BAG6: variants seen among roughly 807,000 people sequenced by gnomAD.
BAG6 encodes BAG cochaperone 6, also known as large proline-rich protein BAG6.
A neutral mutation model predicts 121.0 loss-of-function variants in BAG6; 22 were observed. The ratio of observed to expected loss-of-function variants is 0.18; its 90% CI spans 0.13 to 0.26. The LOEUF (loss-of-function observed/expected upper bound fraction) is 0.26. Among genes scored for constraint, BAG6 ranks in the 10% least tolerant of loss-of-function variants. The pLI, the probability that BAG6 is intolerant of heterozygous loss-of-function variation, is 1.00. For synonymous variants in BAG6, 583 were observed against 584.6 expected, an observed-to-expected ratio of 1.00 and a Z score of 0.04; for missense variants, 1,233 against 1,537.7, an observed-to-expected ratio of 0.80 and a Z score of 3.31.
At chr6:31,648,267 T>A (rs995360715) in intron 6 of BAG6, among the ~76,000 whole-genome samples, 11 of 152,060 alleles carry the variant, frequency 7.2e-5, no homozygotes, top group Non-Finnish European at 1.5e-4. Context: ...CCCCCTGCCA[T>A]GGCGACCCAA....
chr6:31,649,234 T>C lies in BAG6; in HGVS notation c.388A>G (p.Asn130Asp). The change falls in exon 4 of 26, where the codon AAC (asparagine) becomes GAC (aspartate). Residue 130 changes from asparagine (N) to aspartate (D), a missense_variant. Around this residue, in one of 7 missense-constraint regions of BAG6, gnomAD observed 777 missense variants for 861.4 expected, o/e 0.90. Transcript: ENST00000676615. ...AAGGTTCCAACCATGACATAGCTGT[T>C]GGCATTCCGGTCATGAACAGAGGCC... is the stretch of plus-strand genomic sequence containing the variant. Reference protein sequence around the residue: ...PGASVHDRNANSYVMVGTFNL... With the variant: ...PGASVHDRNADSYVMVGTFNL... 1.2e-6 allele frequency: 2 copies of C among 1,613,020 alleles called. No individual in the cohort carries two copies. The highest frequency in any genetic ancestry group is 1.7e-6 in the Non-Finnish European group (2 of 1,180,012).
At chr6:31,639,771 T>C in intron 24 of BAG6, 125 bp from the exon 25 acceptor site, 1 of 1,201,306 alleles carries the variant, frequency 8.3e-7, no homozygotes, top group Non-Finnish European at 1.1e-6. Context: ...GAGGGGAAAT[T>C]AAGAGTCCAG....
rs1017451304 is a variant in BAG6, at chr6:31,649,692, A to G, written c.109-65T>C. On this transcript the variant is annotated intron_variant, in intron 2 of 25. Transcript: ENST00000676615. The stretch of plus-strand genomic sequence containing the variant: ...GGAAAGAGGAAGAACAAAGACAGAC[A>G]ACCGAGTTGTGGAGGTGAGGGGTAA... 7 of 1,457,228 alleles carry G rather than the reference A, an allele frequency of 4.8e-6. No individual in the cohort carries two copies. The African/African-American group carries it at 9.8e-5, about 20-fold the overall frequency. 90.3% of individuals were successfully genotyped at this position (1,457,228 alleles called of 1,614,324 possible). A position where few individuals can be genotyped will look rare whatever the true frequency, so the allele number is the denominator to read the frequency against.
rs1279956913 is a variant in BAG6, at chr6:31,643,100, C to T, written c.1772G>A (p.Gly591Asp). Residue 591 changes from glycine (G) to aspartate (D), a missense_variant, in exon 15 of 26, where the codon GGT (glycine) becomes GAT (aspartate). By Grantham distance (94) the Gly-to-Asp change is moderately conservative. Coordinates refer to ENST00000676615, the MANE Select transcript of BAG6 (RefSeq NM_001387994.1). ...QPVLVAQGTP[G>D]MAPPPAPATA... The stretch of plus-strand genomic sequence containing the variant: ...GGCAGGGGCTGGCGGTGGAGCCATA[C>T]CTGGGGTCCCCTGAGCTGTAAGAAA... The T allele has an allele frequency of 7.6e-6, 12 of 1,573,944 alleles. No individual in the cohort carries two copies. The highest frequency in any genetic ancestry group is 1.0e-5 in the Non-Finnish European group (12 of 1,165,552).
chr6:31,645,495 C>T lies in BAG6; in HGVS notation c.1028G>A (p.Cys343Tyr). 5.0e-6 allele frequency: 8 copies of T among 1,613,102 alleles called. No individual in the cohort carries two copies. Among genetic ancestry groups the T allele is most frequent in the Non-Finnish European group, 6.8e-6 (8 of 1,180,022 alleles). Reference sequence around the variant, plus strand: ...CACATGCAGGTGTCGTGGGGGCGTGCAGGCCAGATTGCAGCGCAGGTCAGA... The same window carrying T: ...CACATGCAGGTGTCGTGGGGGCGTGTAGGCCAGATTGCAGCGCAGGTCAGA... ...ALSDLRCNLA[C>Y]TPPRHLHVVR... Residue 343 changes from cysteine (C) to tyrosine (Y), a missense_variant, in exon 9 of 26, where the codon TGC (cysteine) becomes TAC (tyrosine). This residue lies in a region of BAG6 where 777 missense variants were observed against 861.4 expected (regional missense o/e 0.90). Coordinates refer to ENST00000676615, the MANE Select transcript of BAG6 (RefSeq NM_001387994.1).
chr6:31,646,233 A>C (rs1431388630), intron 8 of BAG6, among the ~76,000 whole-genome samples, 161 bp downstream of exon 8: 1 of 152,090 alleles, frequency 6.6e-6, no homozygotes, highest in African/African-American at 2.4e-5. Context: ...TGATCCGCCC[A>C]CCTTGGCCTC....
At position 31,640,890 on chromosome 6, in the gene BAG6, T is replaced by C. The variant is rs1387713872; in HGVS notation, c.2836A>G (p.Thr946Ala). The C allele has an allele frequency of 1.2e-6, 2 of 1,612,706 alleles. No homozygotes were observed. Among genetic ancestry groups the C allele is most frequent in the South Asian group, 1.1e-5 (1 of 91,076 alleles). The change falls in exon 21 of 26, where the codon ACT (threonine) becomes GCT (alanine). Residue 946 changes from threonine to alanine, a missense_variant. Thr to Ala is a moderately conservative substitution (Grantham distance 58). Coordinates refer to ENST00000676615, the MANE Select transcript of BAG6 (RefSeq NM_001387994.1). This position sits in a 1 kb window ranked among gnomAD's most constrained non-coding sequence, Gnocchi z 4.2. Reference protein sequence around the residue: ...VNPSLVSWLTTMMGLRLQVVL... With the variant: ...VNPSLVSWLTAMMGLRLQVVL... ...ACCTGAAGCCTCAGTCCCATCATAGTGGTCAGCCAGCTCACCAAGGAGGGA... is the reference window on the plus strand; with the variant it reads ...ACCTGAAGCCTCAGTCCCATCATAGCGGTCAGCCAGCTCACCAAGGAGGGA...
chr6:31,647,682 C>A lies in BAG6; in HGVS notation c.697G>T (p.Val233Leu). 6.2e-7 allele frequency: 1 copy of A among 1,604,640 alleles called. No homozygotes were observed. Among genetic ancestry groups the A allele is most frequent in the Non-Finnish European group, 8.5e-7 (1 of 1,176,890 alleles). The change falls in exon 7 of 26, where the codon GTG becomes TTG. Residue 233 changes from valine to leucine, a missense_variant. Physicochemically the swap from Val to Leu is conservative, Grantham distance 32. Transcript: ENST00000676615. ...TTCTGGGCTGGGGCACGCTCCTCCA[C>A]TTCTTCTGCCTCCATGGGCTCCCGG... The part of the protein sequence containing the change: ...PPREPMEAEE[V>L]EERAPAQNPE...
Position 31,644,917 on chromosome 6 carries a change from C to T in BAG6, c.1369+29G>A. 1 of 1,551,130 alleles carries T rather than the reference C, an allele frequency of 6.4e-7. No homozygotes were observed. Among genetic ancestry groups the T allele is most frequent in the Non-Finnish European group, 8.7e-7 (1 of 1,147,152 alleles). On this transcript the variant is annotated intron_variant, in intron 10 of 25. Transcript: ENST00000676615. The surrounding 1 kb of genome is among the most constrained non-coding windows in gnomAD (Gnocchi z 4.9). ...ATGAACCTCCCTCATCATGCTGATCCTGCTCTTCTCGCCAGCAACTATTCT... is the reference window on the plus strand; with the variant it reads ...ATGAACCTCCCTCATCATGCTGATCTTGCTCTTCTCGCCAGCAACTATTCT...
Position 31,640,139 on chromosome 6 carries a change from T to C in BAG6, c.3246+60A>G, listed in dbSNP as rs1781163472. The C allele has an allele frequency of 6.5e-7, 1 of 1,530,452 alleles. No individual in the cohort carries two copies. The highest frequency in any genetic ancestry group is 9.0e-7 in the Non-Finnish European group (1 of 1,106,478). 94.8% of individuals were successfully genotyped at this position (1,530,452 alleles called of 1,614,324 possible). On this transcript the variant is annotated intron_variant, in intron 24 of 25. Transcript: ENST00000676615. This position sits in a 1 kb window ranked among gnomAD's most constrained non-coding sequence, Gnocchi z 4.2. ...CTCCCACCATCTCTACATAGTTTGA[T>C]TCCAGGCATGACGGGGAAACCTGGA...
intron 9 of BAG6, 42 bp from the exon 10 acceptor site, chr6:31,645,240 A>G: frequency 6.2e-7 from 1 of 1,600,400 alleles, no homozygotes; most frequent in Non-Finnish European, 8.5e-7. Context: ...GAAAAATACA[A>G]GAGCCTAACC....
At position 31,644,574 on chromosome 6, in the gene BAG6, C is replaced by T. The variant is rs149182440; in HGVS notation, c.1398G>A (p.Pro466=). 46 of 1,612,586 alleles carry T rather than the reference C, an allele frequency of 2.9e-5. No individual in the cohort carries two copies. In the African/African-American group the frequency reaches 4.5e-4, roughly 16 times the overall value. Residue 466 remains proline, a synonymous_variant, in exon 11 of 26, where the codon CCG becomes CCA. Transcript: ENST00000676615. This position sits in a 1 kb window ranked among gnomAD's most constrained non-coding sequence, Gnocchi z 4.9. ...GTCCCAGGGGGCCAGTGGGAGCACT[C>T]GGAACACCACCAGGCTGTGTGCCAG... is the stretch of plus-strand genomic sequence containing the variant. The part of the protein sequence containing the change: ...QDSGTQPGGV[P]SAPTGPLGPP...
chr6:31,642,840 C>T lies in BAG6; in HGVS notation c.2032G>A (p.Asp678Asn). The change falls in exon 15 of 26, where the codon GAC becomes AAC. Residue 678 changes from aspartate (D) to asparagine (N), a missense_variant. Transcript: ENST00000676615. ...AGCCAGCCACTCACCTGCAAGAAGT[C>T]AGTCATGCCTTGGAGAAAGGCAGGG... ...GVPAFLQGMT[D>N]FLQATQTAPP... 6.2e-7 allele frequency: 1 copy of T among 1,612,184 alleles called. No homozygotes were observed. The highest frequency in any genetic ancestry group is 8.5e-7 in the Non-Finnish European group (1 of 1,179,266).
At chr6:31,642,694 TG>T (rs1286325386) in intron 15 of BAG6, 134 bp downstream of exon 15, 2 of 1,060,846 alleles carry the variant, frequency 1.9e-6, no homozygotes, top group Non-Finnish European at 2.7e-6. Context: ...TCAGAGTCAA[TG>T]AATTCCCAGG....
Position 31,644,659 on chromosome 6 carries a change from T to C in BAG6, c.1370-57A>G, listed in dbSNP as rs750554810. 5 of 1,537,532 alleles carry C rather than the reference T, an allele frequency of 3.3e-6. No homozygotes were observed. The highest frequency in any genetic ancestry group is 1.7e-5 in the Admixed American group (1 of 57,182). Reference sequence around the variant, plus strand: ...GGTAGGTAGGGCCAAGGCCTAACTATATCCTTCTGAGATCAGGCATACTTC... The same window carrying C: ...GGTAGGTAGGGCCAAGGCCTAACTACATCCTTCTGAGATCAGGCATACTTC... On this transcript the variant is annotated intron_variant, in intron 10 of 25. Coordinates refer to ENST00000676615, the MANE Select transcript of BAG6 (RefSeq NM_001387994.1). The surrounding 1 kb of genome is among the most constrained non-coding windows in gnomAD (Gnocchi z 4.9).
intron 2 of BAG6, among the ~76,000 whole-genome samples, chr6:31,650,565 TGAGGCAGGAAAATTGCTTGAACCCAG>T (rs1429121334): frequency 1.4e-4 from 21 of 150,998 alleles, no homozygotes; most frequent in African/African-American, 4.1e-4. Flanking sequence ...CTCAGGAGGC[TGAGGCAGGAAAATTGCTTGAACCCAG>T]GAGGCAGAGG....
Position 31,639,084 on chromosome 6 carries a change from GA to G in BAG6, c.*46del, listed in dbSNP as rs771767443. 5.9e-5 allele frequency: 88 copies of G among 1,486,608 alleles called. No homozygotes were observed. The African/African-American group carries it at 1.0e-3, about 17-fold the overall frequency. The allele number at this position is 1,486,608 out of a possible 1,614,324, so 92.1% of individuals were successfully genotyped here. On this transcript the variant is annotated 3_prime_UTR_variant, in exon 26 of 26. Transcript: ENST00000676615. ...TTATTTCTTAAATACTGTGAAGGAA[GA>G]GGGGGGAAACGGTCCCCTGATGAGG...
rs1781360165 is a variant in BAG6, at chr6:31,640,280, G to A, written c.3165C>T (p.Asp1055=). 1.2e-6 allele frequency: 2 copies of A among 1,614,098 alleles called. No individual in the cohort carries two copies. Among genetic ancestry groups the A allele is most frequent in the Admixed American group, 1.7e-5 (1 of 60,004 alleles). ...PPEWVPIIQQ[D]IQSQRKVKPQ... is the part of the protein sequence containing the mutation. Reference sequence around the variant, plus strand: ...GTTTCACCTTCCGCTGGCTCTGAATGTCCTGCTGGATAATAGGGACCCATT... The same window carrying A: ...GTTTCACCTTCCGCTGGCTCTGAATATCCTGCTGGATAATAGGGACCCATT... Residue 1055 remains aspartate, a synonymous_variant, in exon 24 of 26, where the codon GAC becomes GAT. Coordinates refer to ENST00000676615, the MANE Select transcript of BAG6 (RefSeq NM_001387994.1). The surrounding 1 kb of genome is among the most constrained non-coding windows in gnomAD (Gnocchi z 4.2).
intron 1 of BAG6, chr6:31,652,128 C>G (rs931650563): frequency 4.2e-5 from 9 of 213,320 alleles, no homozygotes; most frequent in Non-Finnish European, 7.8e-5. Context: ...CCTGGGACAA[C>G]GCGAAAGCGG....
Sources: gnomAD v4.1 joint callset for allele counts (sites outside exome capture counted in the v4.1 genomes callset) on GRCh38, gnomAD v4.1.1 for gene constraint, gnomAD v4.1.1 regional missense constraint, Gnocchi (gnomAD v3.1) non-coding constraint, MANE v1.5 for transcripts, NCBI Gene and HGNC (gene_info 2026-07-23, HGNC 2026-07-21) for gene names.